XYLT1: variants seen among roughly 807,000 people sequenced by gnomAD.
XYLT1 encodes the protein beta-D-xylosyltransferase 1.
In XYLT1, 36 loss-of-function variants were observed where a neutral mutation model predicts 91.3. That is an observed-to-expected ratio of 0.39 (90% CI 0.30 to 0.52). XYLT1 has a LOEUF of 0.52. Ranked by LOEUF, XYLT1 falls within the 20% of genes least tolerant of loss-of-function variation. XYLT1 has a pLI of 0.68. For missense variants in XYLT1, 1,242 were observed against 1,284.5 expected, an observed-to-expected ratio of 0.97 and a Z score of 0.51; for synonymous variants, 588 against 532.0, an observed-to-expected ratio of 1.11 and a Z score of -1.45.
intron 2 of XYLT1, among the ~76,000 whole-genome samples, chr16:17,310,860 T>C (rs1020348809): frequency 1.3e-5 from 2 of 151,808 alleles, no homozygotes; most frequent in Non-Finnish European, 1.5e-5. Context: ...AAAATAATAA[T>C]AATAAAGGAG....
chr16:17,342,673 GA>G (rs1168219332), intron 2 of XYLT1, among the ~76,000 whole-genome samples: 1 of 152,050 alleles, frequency 6.6e-6, no homozygotes, highest in Admixed American at 6.6e-5. Flanking sequence ...AGTGAGCCGA[GA>G]TCGCACCATT....
intron 1 of XYLT1, among the ~76,000 whole-genome samples, chr16:17,375,803 A>G (rs576580235): frequency 4.6e-5 from 7 of 152,356 alleles, no homozygotes; most frequent in African/African-American, 1.7e-4. Flanking sequence ...CTTCAGATAA[A>G]GGTGGCTTCC....
intron 1 of XYLT1, among the ~76,000 whole-genome samples, chr16:17,364,447 G>A (rs2035423200): frequency 6.6e-6 from 1 of 152,066 alleles, no homozygotes. Context: ...AATAAATACT[G>A]TACATAGTTA....
intron 2 of XYLT1, among the ~76,000 whole-genome samples, chr16:17,316,445 G>A (rs925578558): frequency 6.6e-6 from 1 of 152,058 alleles, no homozygotes; most frequent in African/African-American, 2.4e-5. Context: ...CGCCCCGGCT[G>A]GAGTGCTGTG....
At chr16:17,467,503 C>T (rs929869464) in intron 1 of XYLT1, among the ~76,000 whole-genome samples, 1 of 152,122 alleles carries the variant, frequency 6.6e-6, no homozygotes, top group Admixed American at 6.5e-5. Flanking sequence ...AGCTGCAATC[C>T]ACCCAATAAT....
At chr16:17,117,500 CAG>C (rs2141483881) in intron 11 of XYLT1, 144 bp downstream of exon 11, 1 of 833,262 alleles carries the variant, frequency 1.2e-6, no homozygotes, top group African/African-American at 1.7e-5. Flanking sequence ...TAGGGAAACA[CAG>C]AGAAAAGTAT....
At chr16:17,219,280 C>CAAAAAAAAAAAAAAAAAAAAA (rs369055155) in intron 3 of XYLT1, among the ~76,000 whole-genome samples, 6 of 85,028 alleles carry the variant, frequency 7.1e-5, no homozygotes, top group South Asian at 5.0e-4. Flanking sequence ...GACTTTGTCT[C>CAAAAAAAAAAAAAAAAAAAAA]AAAAAAAAAA....
rs1423232175 is a variant in XYLT1, at chr16:17,422,265, T to C, written c.363+48169A>G. Reference sequence around the variant, plus strand: ...AGGCTGGAATGCAGTAACATGATCATAGATCACTACAGCCTCAACCTCCTG... The same window carrying C: ...AGGCTGGAATGCAGTAACATGATCACAGATCACTACAGCCTCAACCTCCTG... On this transcript the variant is annotated intron_variant, in intron 1 of 11. Transcript: ENST00000261381. Among the ~76,000 whole-genome samples, 7 of 151,326 alleles carry C rather than the reference T, an allele frequency of 4.6e-5. No homozygotes were observed. The East Asian group carries it at 5.8e-4, about 13-fold the overall frequency.
At chr16:17,390,989 G>C (rs1020833130) in intron 1 of XYLT1, among the ~76,000 whole-genome samples, 1 of 152,070 alleles carries the variant, frequency 6.6e-6, no homozygotes, top group African/African-American at 2.4e-5. Context: ...AGTGAGACAA[G>C]ATCACCCCAT....
chr16:17,136,020 T>G (rs1432364033), intron 8 of XYLT1, among the ~76,000 whole-genome samples: 3 of 152,196 alleles, frequency 2.0e-5, no homozygotes, highest in Admixed American at 1.3e-4. Flanking sequence ...GAGGAGCTTA[T>G]TATTGTCTAG....
chr16:17,130,133 A>G (rs895469256), intron 9 of XYLT1, among the ~76,000 whole-genome samples: 2 of 152,254 alleles, frequency 1.3e-5, no homozygotes, highest in Non-Finnish European at 2.9e-5. Context: ...AGCTGAAGCC[A>G]TCCTAGGCTC....
chr16:17,342,119 TG>T, intron 2 of XYLT1, among the ~76,000 whole-genome samples: 1 of 152,362 alleles, frequency 6.6e-6, no homozygotes, highest in African/African-American at 2.4e-5. Flanking sequence ...AAGGTTCTAA[TG>T]ATCTAGCTTC....
At chr16:17,220,157 T>G (rs1280526527) in intron 3 of XYLT1, among the ~76,000 whole-genome samples, 4 of 152,136 alleles carry the variant, frequency 2.6e-5, no homozygotes, top group Non-Finnish European at 5.9e-5. Flanking sequence ...TTAAATTAAA[T>G]TAAATTTAGT....
At chr16:17,285,874 C>CTGTGTG (rs56267931) in intron 2 of XYLT1, among the ~76,000 whole-genome samples, 2,557 of 145,190 alleles carry the variant, frequency 0.018, 43 homozygotes, top group Admixed American at 0.037. Context: ...TGGTGTATCT[C>CTGTGTG]TGTGTGTGTG....
chr16:17,327,723 T>A (rs1335910588), intron 2 of XYLT1, among the ~76,000 whole-genome samples: 1 of 151,106 alleles, frequency 6.6e-6, no homozygotes, highest in Non-Finnish European at 1.5e-5. Flanking sequence ...AGCTTCTATT[T>A]TATAACTACG....
In XYLT1 at chr16:17,283,644, T is replaced by C. The variant is rs566154559; in HGVS notation, c.403-24146A>G. Among the ~76,000 whole-genome samples, 516 of 152,282 alleles carry C rather than the reference T, an allele frequency of 3.4e-3. 4 individuals carry two copies. The highest frequency in any genetic ancestry group is 0.012 in the African/African-American group (494 of 41,560). The stretch of plus-strand genomic sequence containing the variant: ...CAACAATGAAAGACCCAATTTGAAA[T>C]GTATAAAGGGCTCCAACGGCTTTGC... On this transcript the variant is annotated intron_variant, in intron 2 of 11. Coordinates refer to ENST00000261381, the MANE Select transcript of XYLT1 (RefSeq NM_022166.4).
intron 2 of XYLT1, among the ~76,000 whole-genome samples, chr16:17,357,391 G>T (rs115436242): frequency 0.012 from 1,766 of 152,096 alleles, 29 homozygotes; most frequent in African/African-American, 0.04. Context: ...AATTCCACCT[G>T]GCTCTGTTGA....
intron 2 of XYLT1, among the ~76,000 whole-genome samples, chr16:17,276,230 T>TG (rs1324270956): frequency 6.6e-6 from 1 of 152,220 alleles, no homozygotes; most frequent in Non-Finnish European, 1.5e-5. Context: ...CCCAACCTAC[T>TG]GGGGACAGGG....
chr16:17,303,400 A>C (rs2034426409), intron 2 of XYLT1, among the ~76,000 whole-genome samples: 1 of 152,198 alleles, frequency 6.6e-6, no homozygotes, highest in Admixed American at 6.5e-5. Flanking sequence ...GATATTTACT[A>C]ATCTATCTGG....
Sources: allele counts gnomAD v4.1 joint callset (sites outside exome capture counted in the v4.1 genomes callset), GRCh38; gene constraint gnomAD v4.1.1; transcripts MANE v1.5; gene names NCBI Gene and HGNC (gene_info 2026-07-23, HGNC 2026-07-21).